STOX1: variants seen among roughly 807,000 people sequenced by gnomAD.
The protein encoded by STOX1 is storkhead box 1.
Under a neutral mutation model 74.8 loss-of-function variants are expected in STOX1, and 57 were observed. That is an observed-to-expected ratio of 0.76 (90% CI 0.62 to 0.95). The LOEUF (loss-of-function observed/expected upper bound fraction) is 0.95. Among genes scored for constraint, STOX1 ranks in the 40% least tolerant of loss-of-function variants. The pLI is 0.00. For synonymous variants in STOX1, 375 were observed against 401.3 expected (o/e 0.93, Z 0.78); for missense variants, 1,010 against 1,117.0 (o/e 0.90, Z 1.37).
In STOX1 at chr10:68,885,695, G is replaced by C. The variant is rs1455575732; in HGVS notation, c.1899G>C (p.Glu633Asp). 7 of 1,614,118 alleles carry C rather than the reference G, an allele frequency of 4.3e-6. No homozygotes were observed. Among genetic ancestry groups the C allele is most frequent in the Non-Finnish European group, 5.9e-6 (7 of 1,180,036 alleles). The change falls in exon 3 of 4, where the codon GAG becomes GAC. Residue 633 changes from glutamate (E) to aspartate (D), a missense_variant. Glu to Asp is a conservative substitution (Grantham distance 45). Transcript: ENST00000298596. ...ATTCCCACTTTGACAAATTAGGGGA[G>C]ACCAAACAGACTCCGCATAGTCTGC... is the stretch of plus-strand genomic sequence containing the variant. ...KSHSHFDKLG[E>D]TKQTPHSLPS...
At chr10:68,875,187 C>T (rs1840645502) in intron 1 of STOX1, among the ~76,000 whole-genome samples, 1 of 152,246 alleles carries the variant, frequency 6.6e-6, no homozygotes, top group African/African-American at 2.4e-5. Context: ...CATCCCTCGG[C>T]TTGTGATCCT....
At position 68,884,841 on chromosome 10, in the gene STOX1, G is replaced by A. The variant is rs1392026209; in HGVS notation, c.1045G>A (p.Asp349Asn). 1 of 1,614,172 alleles carries A rather than the reference G, an allele frequency of 6.2e-7. No individual in the cohort carries two copies. Among genetic ancestry groups the A allele is most frequent in the South Asian group, 1.1e-5 (1 of 91,080 alleles). Residue 349 changes from aspartate (D) to asparagine (N), a missense_variant, in exon 3 of 4, where the codon GAC becomes AAC. Coordinates refer to ENST00000298596, the MANE Select transcript of STOX1 (RefSeq NM_152709.5). ...AGAATGGCCCGTCCGAGATGAAGATGACTTGGACAATATCCCTCGAGATGT... is the reference window on the plus strand; with the variant it reads ...AGAATGGCCCGTCCGAGATGAAGATAACTTGGACAATATCCCTCGAGATGT... ...PEEWPVRDED[D>N]LDNIPRDVEH...
chr10:68,864,525 A>G (rs537745437), intron 1 of STOX1, among the ~76,000 whole-genome samples: 1 of 152,354 alleles, frequency 6.6e-6, no homozygotes, highest in Non-Finnish European at 1.5e-5. Flanking sequence ...TTCCAGGATC[A>G]TATCCATGTA....
intron 1 of STOX1, among the ~76,000 whole-genome samples, chr10:68,843,686 T>C (rs1404322900): frequency 6.6e-6 from 1 of 152,064 alleles, no homozygotes. Context: ...GCCTCCAAAG[T>C]AGTTGGGATT....
chr10:68,867,888 G>A (rs1307526783), intron 1 of STOX1, among the ~76,000 whole-genome samples: 2 of 152,262 alleles, frequency 1.3e-5, no homozygotes, highest in Non-Finnish European at 2.9e-5. Flanking sequence ...GCCGCATAAG[G>A]CGGCTAGTGC....
Position 68,885,675 on chromosome 10 carries a change from C to T in STOX1, c.1879C>T (p.His627Tyr), listed in dbSNP as rs1840930095. Reference sequence around the variant, plus strand: ...TGAAGTCTTGAGGAAAAGTCATTCCCACTTTGACAAATTAGGGGAGACCAA... The same window carrying T: ...TGAAGTCTTGAGGAAAAGTCATTCCTACTTTGACAAATTAGGGGAGACCAA... Reference protein sequence around the residue: ...IPEVLRKSHSHFDKLGETKQT... With the variant: ...IPEVLRKSHSYFDKLGETKQT... The change falls in exon 3 of 4, where the codon CAC (histidine) becomes TAC (tyrosine). Residue 627 changes from histidine (H) to tyrosine (Y), a missense_variant. Transcript: ENST00000298596. The T allele has an allele frequency of 6.2e-7, 1 of 1,614,108 alleles. No individual in the cohort carries two copies. Among genetic ancestry groups the T allele is most frequent in the African/African-American group, 1.3e-5 (1 of 75,026 alleles).
At chr10:68,894,870 C>T (rs973021812), downstream of STOX1, among the ~76,000 whole-genome samples, 5 of 152,104 alleles carry the variant, frequency 3.3e-5, no homozygotes, top group Admixed American at 6.5e-5. Context: ...GGACTACAGG[C>T]GTAAGCCACC....
At position 68,878,018 on chromosome 10, in the gene STOX1, A is replaced by C. The variant is rs1212121577; in HGVS notation, c.311-3940A>C. Among the ~76,000 whole-genome samples the C allele has an allele frequency of 2.0e-5, 3 of 152,184 alleles. No individual in the cohort carries two copies. The East Asian group carries it at 5.8e-4, about 29-fold the overall frequency. On this transcript the variant is annotated intron_variant, in intron 1 of 3. Coordinates refer to ENST00000298596, the MANE Select transcript of STOX1 (RefSeq NM_152709.5). Reference sequence around the variant, plus strand: ...CTATGGCTGTCCTTAGAAACAAGATAGGAGGATAGGAAAAGGCCAGAAAAA... The same window carrying C: ...CTATGGCTGTCCTTAGAAACAAGATCGGAGGATAGGAAAAGGCCAGAAAAA...
intron 3 of STOX1, among the ~76,000 whole-genome samples, chr10:68,887,308 GT>G (rs1840987289): frequency 6.6e-6 from 1 of 152,268 alleles, no homozygotes; most frequent in African/African-American, 2.4e-5. Context: ...TTGAGATGGA[GT>G]TTTGTTCTTG....
chr10:68,847,982 C>T (rs1839895043), intron 1 of STOX1, among the ~76,000 whole-genome samples: 1 of 152,214 alleles, frequency 6.6e-6, no homozygotes, highest in Admixed American at 6.5e-5. Flanking sequence ...CTGCCCGCCT[C>T]GGCCTCTCAG....
rs960385681 is a variant in STOX1, at chr10:68,832,870, C to T, written c.310+4937C>T. On this transcript the variant is annotated intron_variant, in intron 1 of 3. Transcript: ENST00000298596. ...CTTCGACCTCCTGGGTGCAAATGAT[C>T]GTCCTACCTCAGCCTCTTGTGTAGC... 4.6e-5 allele frequency among the ~76,000 whole-genome samples: 7 copies of T among 151,812 alleles called. 1 individual carries two copies. Among genetic ancestry groups the T allele is most frequent in the Admixed American group, 3.3e-4 (5 of 15,200 alleles).
intron 1 of STOX1, among the ~76,000 whole-genome samples, chr10:68,867,122 T>G (rs1397611383): frequency 6.6e-6 from 1 of 151,986 alleles, no homozygotes; most frequent in Non-Finnish European, 1.5e-5. Flanking sequence ...TTTTTTTGTA[T>G]TTTTAGTAGA....
intron 1 of STOX1, among the ~76,000 whole-genome samples, chr10:68,856,232 T>C (rs1840123683): frequency 6.6e-6 from 1 of 151,986 alleles, no homozygotes; most frequent in Non-Finnish European, 1.5e-5. Context: ...TAAACTCCTC[T>C]TTTTTTCCAA....
At chr10:68,830,671 CT>C (rs1175004198) in intron 1 of STOX1, among the ~76,000 whole-genome samples, 4 of 151,980 alleles carry the variant, frequency 2.6e-5, no homozygotes, top group Non-Finnish European at 1.5e-5. Flanking sequence ...ATTTTTATTC[CT>C]TTTTTTAAGC....
At chr10:68,860,270 T>C (rs12766549) in intron 1 of STOX1, among the ~76,000 whole-genome samples, 1 of 149,212 alleles carries the variant, frequency 6.7e-6, no homozygotes, top group Non-Finnish European at 1.5e-5. Context: ...TCTGTCTCGG[T>C]GGGGGAAAGA....
intron 1 of STOX1, among the ~76,000 whole-genome samples, chr10:68,852,359 C>T (rs999510586): frequency 2.0e-5 from 3 of 146,662 alleles, no homozygotes; most frequent in Non-Finnish European, 4.5e-5. Flanking sequence ...CCCGGGTTCA[C>T]GCCATTCTCC....
Position 68,892,869 on chromosome 10 carries a change from C to T in STOX1, c.*133C>T, listed in dbSNP as rs1033705511. 2.9e-6 allele frequency: 3 copies of T among 1,034,602 alleles called. No individual in the cohort carries two copies. Among genetic ancestry groups the T allele is most frequent in the Admixed American group, 5.5e-5 (2 of 36,358 alleles). 64.1% of individuals were successfully genotyped at this position (1,034,602 alleles called of 1,614,324 possible). On this transcript the variant is annotated 3_prime_UTR_variant, in exon 4 of 4. Transcript: ENST00000298596. Reference sequence around the variant, plus strand: ...TATCTATACTATTAACCACATTACACATTTTGTTCTAATTACTGGCTTTTT... The same window carrying T: ...TATCTATACTATTAACCACATTACATATTTTGTTCTAATTACTGGCTTTTT...
At chr10:68,849,630 G>A (rs530149587) in intron 1 of STOX1, among the ~76,000 whole-genome samples, 50 of 152,162 alleles carry the variant, frequency 3.3e-4, no homozygotes, top group African/African-American at 1.2e-3. Context: ...CTCCTGCCCG[G>A]CCTTGTGCAC....
chr10:68,893,207 A>C (rs183646900), downstream of STOX1: 1 of 175,116 alleles, frequency 5.7e-6, no homozygotes, highest in Non-Finnish European at 1.2e-5. Context: ...CAAGATATCT[A>C]TGCAACCCTA....
Sources: allele counts gnomAD v4.1 joint callset (sites outside exome capture counted in the v4.1 genomes callset), GRCh38; gene constraint gnomAD v4.1.1; transcripts MANE v1.5; gene names NCBI Gene and HGNC (gene_info 2026-07-23, HGNC 2026-07-21).